Variants in SLC44A3 observed in about 807,000 individuals in gnomAD.
SLC44A3 encodes the protein solute carrier family 44 member 3, also known as choline transporter-like protein 3.
A neutral mutation model predicts 75.4 loss-of-function variants in SLC44A3; 74 were observed. The observed-to-expected ratio is 0.98, with a 90% CI of 0.81 to 1.19. SLC44A3 has a LOEUF of 1.19. Ranked by LOEUF, SLC44A3 falls within the 50% of genes most tolerant of loss-of-function variation. SLC44A3 has a pLI of 0.00. For synonymous variants in SLC44A3, 310 were observed against 296.9 expected (o/e 1.04, Z -0.45); for missense variants, 700 against 778.6 (o/e 0.90, Z 1.20).
At chr1:94,834,811 C>G (rs977073541) in intron 5 of SLC44A3, among the ~76,000 whole-genome samples, 3 of 152,110 alleles carry the variant, frequency 2.0e-5, no homozygotes. Flanking sequence ...ACTTCTTCCT[C>G]CAAGAGGTGG....
At chr1:94,833,903 CA>C (rs1662451371) in intron 5 of SLC44A3, among the ~76,000 whole-genome samples, 1 of 151,982 alleles carries the variant, frequency 6.6e-6, no homozygotes, top group South Asian at 2.1e-4. Context: ...TAGAGGGTGA[CA>C]AATTAAATGA....
intron 14 of SLC44A3, among the ~76,000 whole-genome samples, chr1:94,893,387 C>T (rs1182703213): frequency 1.3e-5 from 2 of 149,340 alleles, no homozygotes; most frequent in Admixed American, 1.3e-4. Flanking sequence ...ACAAATTTTA[C>T]TTTTTTTTTT....
In SLC44A3 at chr1:94,842,005, TG is replaced by T; in HGVS notation, c.767del (p.Cys256SerfsTer17). 6.2e-7 allele frequency: 1 copy of T among 1,610,046 alleles called. No homozygotes were observed. The highest frequency in any genetic ancestry group is 8.5e-7 in the Non-Finnish European group (1 of 1,178,648). ...SLVILGLLFV[C>X]GVLWWLYYDY... is the part of the protein sequence containing the mutation. ...GCTACTGTTCTCTTTTCTAGTTGTC[TG>T]CGGTGTTTTATGGTGGCTGTATTAT... On this transcript the variant is annotated frameshift_variant, in exon 8 of 15. Coordinates refer to ENST00000271227, the MANE Select transcript of SLC44A3 (RefSeq NM_001114106.3). LOFTEE classifies it high-confidence loss of function.
At chr1:94,848,090 G>T (rs543649989) in intron 9 of SLC44A3, among the ~76,000 whole-genome samples, 1 of 152,136 alleles carries the variant, frequency 6.6e-6, no homozygotes, top group African/African-American at 2.4e-5. Context: ...TTAGCCGGGC[G>T]TGGTGGCGGG....
In SLC44A3 at chr1:94,839,302, T is replaced by C. The variant is rs372168083; in HGVS notation, c.671-646T>C. On this transcript the variant is annotated intron_variant, in intron 6 of 14. Transcript: ENST00000271227. ...AGTATGAAGTCAAAAGATTTAAGTA[T>C]GATAATTTTAGATGGTTCATTTGGA... Among the ~76,000 whole-genome samples the C allele has an allele frequency of 1.4e-4, 15 of 106,526 alleles. 1 individual carries two copies. The highest frequency in any genetic ancestry group is 5.0e-4 in the African/African-American group (15 of 29,744). 69.9% of individuals were successfully genotyped at this position (106,526 alleles called of 152,430 possible). A position where few individuals can be genotyped will look rare whatever the true frequency, so the allele number is the denominator to read the frequency against.
At position 94,829,687 on chromosome 1, in the gene SLC44A3, T is replaced by C. The variant is rs79063442; in HGVS notation, c.509+1101T>C. Among the ~76,000 whole-genome samples the C allele has an allele frequency of 4.4e-3, 671 of 152,370 alleles. 2 individuals are homozygous for C. Among genetic ancestry groups the C allele is most frequent in the African/African-American group, 0.015 (643 of 41,588 alleles). On this transcript the variant is annotated intron_variant, in intron 5 of 14. Transcript: ENST00000271227. ...TACTAAAGGAAAACTTGTATTGATT[T>C]TGAATTGTCATTCTTTTGAAAAATG...
At chr1:94,892,080 G>C (rs959930428) in intron 13 of SLC44A3, among the ~76,000 whole-genome samples, 2 of 152,250 alleles carry the variant, frequency 1.3e-5, no homozygotes, top group Middle Eastern at 3.4e-3. Context: ...CTTCCTACTC[G>C]CCATTAACTG....
chr1:94,850,453 G>A (rs1223918740), intron 9 of SLC44A3, among the ~76,000 whole-genome samples: 1 of 152,178 alleles, frequency 6.6e-6, no homozygotes, highest in Non-Finnish European at 1.5e-5. Flanking sequence ...ATTGGATTTT[G>A]GCAGGGAGTG....
At chr1:94,861,854 A>G (rs1302760439) in intron 10 of SLC44A3, among the ~76,000 whole-genome samples, 1 of 152,190 alleles carries the variant, frequency 6.6e-6, no homozygotes, top group Non-Finnish European at 1.5e-5. Flanking sequence ...GAGAGCCATA[A>G]AGGTGGTGTT....
At chr1:94,836,743 T>G (rs1662847055) in intron 5 of SLC44A3, 1 of 151,986 alleles carries the variant, frequency 6.6e-6, no homozygotes, top group Non-Finnish European at 1.5e-5. Context: ...AAACTCTGTC[T>G]CTACAAAAAA....
At chr1:94,878,940 A>G (rs952518565) in intron 12 of SLC44A3, among the ~76,000 whole-genome samples, 11 of 152,278 alleles carry the variant, frequency 7.2e-5, no homozygotes, top group Admixed American at 6.5e-4. Context: ...TGAACTAAAG[A>G]CCTAAAAGAC....
intron 8 of SLC44A3, among the ~76,000 whole-genome samples, chr1:94,842,461 G>A (rs914710950): frequency 5.3e-5 from 8 of 152,192 alleles, no homozygotes; most frequent in Non-Finnish European, 1.0e-4. Flanking sequence ...TGTGAGGTGC[G>A]GCTCCCCTTT....
At chr1:94,828,843 A>G (rs1272100104) in intron 5 of SLC44A3, among the ~76,000 whole-genome samples, 1 of 152,230 alleles carries the variant, frequency 6.6e-6, no homozygotes, top group Non-Finnish European at 1.5e-5. Context: ...TCTTCAAAGA[A>G]CACTAGAGCT....
chr1:94,862,105 G>C (rs910695160), intron 10 of SLC44A3, among the ~76,000 whole-genome samples: 1 of 152,162 alleles, frequency 6.6e-6, no homozygotes, highest in Non-Finnish European at 1.5e-5. Context: ...TAATAAAGAC[G>C]ATTTTCATTT....
chr1:94,845,208 G>A, intron 8 of SLC44A3, 70 bp from the exon 9 acceptor site: 2 of 1,438,764 alleles, frequency 1.4e-6, no homozygotes, highest in Non-Finnish European at 1.9e-6. Flanking sequence ...AATAATAGTA[G>A]GGCTTGCTTT....
intron 12 of SLC44A3, among the ~76,000 whole-genome samples, chr1:94,888,090 T>C (rs1017437360): frequency 1.4e-4 from 22 of 152,172 alleles, no homozygotes; most frequent in African/African-American, 5.3e-4. Context: ...TGTAAGTCAT[T>C]TTATAGATGA....
At chr1:94,883,277 G>A (rs1669197937) in intron 12 of SLC44A3, among the ~76,000 whole-genome samples, 1 of 152,110 alleles carries the variant, frequency 6.6e-6, no homozygotes, top group Non-Finnish European at 1.5e-5. Flanking sequence ...AAGTTAGGCA[G>A]ACAGCTTGAG....
intron 11 of SLC44A3, 35 bp downstream of exon 11, chr1:94,864,934 G>A (rs748900824): frequency 1.3e-6 from 2 of 1,598,462 alleles, no homozygotes; most frequent in Admixed American, 1.7e-5. Context: ...CACGTTCTGT[G>A]TTTGGGTTGC....
Position 94,891,181 on chromosome 1 carries a change from A to T in SLC44A3, c.1534A>T (p.Lys512Ter), listed in dbSNP as rs772338473. 1 of 1,613,578 alleles carries T rather than the reference A, an allele frequency of 6.2e-7. No individual in the cohort carries two copies. The highest frequency in any genetic ancestry group is 8.5e-7 in the Non-Finnish European group (1 of 1,179,652). ...TGGGACAGATTTCTGTACATCAGCA[A>T]AAGATGCATTCAAAATCTTGTCCAA... is the stretch of plus-strand genomic sequence containing the variant. The part of the protein sequence containing the change: ...INGTDFCTSA[K>*]DAFKILSKNS... Residue 512 changes from lysine to a stop codon, truncating the protein, a stop_gained, in exon 13 of 15, where the codon AAA becomes TAA. Coordinates refer to ENST00000271227, the MANE Select transcript of SLC44A3 (RefSeq NM_001114106.3). LOFTEE classifies it high-confidence loss of function.
Sources: gnomAD v4.1 joint callset for allele counts (sites outside exome capture counted in the v4.1 genomes callset) on GRCh38, gnomAD v4.1.1 for gene constraint, MANE v1.5 for transcripts, NCBI Gene and HGNC (gene_info 2026-07-23, HGNC 2026-07-21) for gene names.